DMD: variants seen among roughly 807,000 people sequenced by gnomAD.
DMD encodes dystrophin, also known as mutant dystrophin.
In DMD, 63 loss-of-function variants were observed where a neutral mutation model predicts 330.1. That is an observed-to-expected ratio of 0.19 (90% CI 0.16 to 0.24). The LOEUF (loss-of-function observed/expected upper bound fraction) is 0.24. Among genes scored for constraint, DMD ranks in the 10% least tolerant of loss-of-function variants. The pLI, the probability that DMD is intolerant of heterozygous loss-of-function variation, is 1.00. For synonymous variants in DMD, 1,223 were observed against 959.8 expected, an observed-to-expected ratio of 1.27 and a Z score of -5.07; for missense variants, 3,344 against 2,684.1, an observed-to-expected ratio of 1.25 and a Z score of -5.43.
intron 44 of DMD, among the ~76,000 whole-genome samples, chrX:32,102,873 T>C (rs896197029): frequency 8.9e-6 from 1 of 112,110 alleles, no homozygotes; most frequent in Non-Finnish European, 1.9e-5. Flanking sequence ...GATGCAAATG[T>C]CTTTGGAAAA....
At chrX:32,707,111 C>A (rs1283651057) in intron 7 of DMD, among the ~76,000 whole-genome samples, 1 of 110,685 alleles carries the variant, frequency 9.0e-6, no homozygotes, top group African/African-American at 3.3e-5. Context: ...AAAAAAAAAT[C>A]TATATTGAAA....
chrX:31,808,379 G>A (rs1275104003), intron 50 of DMD, among the ~76,000 whole-genome samples: 1 of 111,596 alleles, frequency 9.0e-6, no homozygotes, highest in African/African-American at 3.3e-5. Flanking sequence ...AATGTTCCTT[G>A]GAGTCAGAGA....
At chrX:32,418,783 C>CT (rs74768273) in intron 29 of DMD, among the ~76,000 whole-genome samples, 3,281 of 108,680 alleles carry the variant, frequency 0.03, 127 homozygotes, top group African/African-American at 0.094. Context: ...ACCATCCTGG[C>CT]TGACACGGTG....
chrX:31,376,677 C>T (rs145276369), intron 60 of DMD, among the ~76,000 whole-genome samples: 20 of 112,114 alleles, frequency 1.8e-4, no homozygotes, highest in African/African-American at 3.2e-4. Context: ...AGGTACAAAA[C>T]GTGACCAAGA....
intron 60 of DMD, among the ~76,000 whole-genome samples, chrX:31,378,350 A>C (rs2148702531): frequency 9.2e-6 from 1 of 109,182 alleles, no homozygotes; most frequent in African/African-American, 3.3e-5. Context: ...CTCTCCTCCA[A>C]CCTCTCACTA....
intron 63 of DMD, among the ~76,000 whole-genome samples, chrX:31,228,251 T>A (rs1603015965): frequency 6.5e-5 from 4 of 61,534 alleles, no homozygotes; most frequent in Non-Finnish European, 5.9e-5. Flanking sequence ...AAACTTAAAG[T>A]ATAATAAAAA....
chrX:33,309,649 A>G (rs1259429593), intron 1 of DMD, among the ~76,000 whole-genome samples: 3 of 111,281 alleles, frequency 2.7e-5, no homozygotes, highest in Non-Finnish European at 5.7e-5. Context: ...TACTTAAAAA[A>G]TAATAAAGGT....
chrX:33,014,441 TTGGAA>T (rs1356963223), intron 2 of DMD, among the ~76,000 whole-genome samples: 1 of 111,781 alleles, frequency 8.9e-6, no homozygotes, highest in African/African-American at 3.3e-5. Flanking sequence ...ACCTGGCCCT[TTGGAA>T]TGGAAGTGGG....
chrX:32,577,738 T>A (rs1028863601), intron 13 of DMD, among the ~76,000 whole-genome samples: 3 of 112,307 alleles, frequency 2.7e-5, no homozygotes, highest in Admixed American at 9.4e-5. Flanking sequence ...AGTAACATAT[T>A]CTATTGCTTA....
chrX:33,009,966 A>G (rs1210346927), intron 2 of DMD, among the ~76,000 whole-genome samples: 1 of 60,463 alleles, frequency 1.7e-5, no homozygotes, highest in Non-Finnish European at 3.1e-5. Context: ...GTATATACAC[A>G]TATGTGTGTA....
chrX:32,647,956 A>G lies in DMD; in HGVS notation c.961-2804T>C, dbSNP rs1020012188. Among the ~76,000 whole-genome samples, 39 of 112,068 alleles carry G rather than the reference A, an allele frequency of 3.5e-4. No individual in the cohort carries two copies. The Admixed American group carries it at 3.6e-3, about 10-fold the overall frequency. ...TGAACCTTAACCTAGCTCGTATTTAAGAGTTCTTAAAAATCATTAACTATC... is the reference window on the plus strand; with the variant it reads ...TGAACCTTAACCTAGCTCGTATTTAGGAGTTCTTAAAAATCATTAACTATC... On this transcript the variant is annotated intron_variant, in intron 9 of 78. Coordinates refer to ENST00000357033, the MANE Select transcript of DMD (RefSeq NM_004006.3).
chrX:32,259,641 A>T (rs2097313860), intron 43 of DMD, among the ~76,000 whole-genome samples: 1 of 111,697 alleles, frequency 9.0e-6, no homozygotes, highest in Admixed American at 9.6e-5. Context: ...ATGACTATTC[A>T]ATACATTTTT....
At chrX:32,923,448 C>T (rs1057109868) in intron 2 of DMD, among the ~76,000 whole-genome samples, 3 of 109,820 alleles carry the variant, frequency 2.7e-5, no homozygotes, top group Middle Eastern at 4.2e-3. Flanking sequence ...GTAATCCCAG[C>T]TACTCGGTAG....
intron 51 of DMD, among the ~76,000 whole-genome samples, chrX:31,751,176 C>T (rs1166951050): frequency 9.2e-6 from 1 of 109,229 alleles, no homozygotes; most frequent in East Asian, 2.9e-4. Context: ...CAAAAAAGAG[C>T]CCGCATCGCC....
chrX:32,487,253 C>T (rs897158254), intron 20 of DMD, among the ~76,000 whole-genome samples: 23 of 111,719 alleles, frequency 2.1e-4, no homozygotes, highest in African/African-American at 4.5e-4. Flanking sequence ...GGAATTGTTT[C>T]GTATTTAATA....
chrX:32,554,850 G>A (rs1603636222), intron 16 of DMD, among the ~76,000 whole-genome samples: 1 of 62,763 alleles, frequency 1.6e-5, no homozygotes, highest in Non-Finnish European at 3.6e-5. Flanking sequence ...GAGAGAGAGA[G>A]AGAGAGAGAG....
intron 7 of DMD, among the ~76,000 whole-genome samples, chrX:32,766,531 T>A (rs775960135): frequency 1.8e-5 from 2 of 111,506 alleles, no homozygotes; most frequent in Non-Finnish European, 3.8e-5. Context: ...ATAACTTATT[T>A]CTGTATATTG....
chrX:32,690,741 A>G (rs751246162), intron 9 of DMD, among the ~76,000 whole-genome samples: 1 of 111,893 alleles, frequency 8.9e-6, no homozygotes, highest in African/African-American at 3.2e-5. Context: ...CACAAGGAGG[A>G]AAGGATAATC....
intron 17 of DMD, among the ~76,000 whole-genome samples, chrX:32,534,524 G>A (rs2047774809): frequency 9.0e-6 from 1 of 111,248 alleles, no homozygotes; most frequent in Non-Finnish European, 1.9e-5. Flanking sequence ...GACCTCCCCA[G>A]AAGCAGACGC....
Sources: gnomAD v4.1 joint callset for allele counts (sites outside exome capture counted in the v4.1 genomes callset) on GRCh38, gnomAD v4.1.1 for gene constraint, MANE v1.5 for transcripts, NCBI Gene and HGNC (gene_info 2026-07-23, HGNC 2026-07-21) for gene names.